Variants in RNF125 observed in about 807,000 individuals in gnomAD.
The protein encoded by RNF125 is ring finger protein 125.
Under a neutral mutation model 26.0 loss-of-function variants are expected in RNF125, and 21 were observed. The observed-to-expected ratio is 0.81, with a 90% CI of 0.57 to 1.16. The LOEUF is 1.16. Ranked by LOEUF, RNF125 falls within the 50% of genes most tolerant of loss-of-function variation. RNF125 has a pLI of 0.00. For missense variants in RNF125, 270 were observed against 299.4 expected (o/e 0.90, Z 0.72); for synonymous variants, 95 against 109.2 (o/e 0.87, Z 0.81).
chr18:32,075,332 T>C (rs1465925744), downstream of RNF125, among the ~76,000 whole-genome samples: 2 of 151,970 alleles, frequency 1.3e-5, no homozygotes, highest in African/African-American at 4.8e-5. Context: ...CTGAGGTGGG[T>C]GAATCATCTG....
At chr18:32,050,865 C>CCTTTT (rs1491509832) in intron 4 of RNF125, among the ~76,000 whole-genome samples, 4 of 46,344 alleles carry the variant, frequency 8.6e-5, no homozygotes, top group African/African-American at 2.3e-4. Context: ...GTCTAGAGTG[C>CCTTTT]TTTTTTTTTT....
At chr18:32,046,478 T>G (rs2039272851) in intron 4 of RNF125, among the ~76,000 whole-genome samples, 1 of 150,608 alleles carries the variant, frequency 6.6e-6, no homozygotes, top group African/African-American at 2.4e-5. Context: ...GCGCCTGTAG[T>G]CCCAGCTACT....
rs933734730 is a variant in RNF125 at position 32,037,668 on chromosome 18, C to T, written c.318+399C>T. On this transcript the variant is annotated intron_variant, in intron 2 of 5. Coordinates refer to ENST00000217740, the MANE Select transcript of RNF125 (RefSeq NM_017831.4). ...GAGATGTGAGGCCAGCTGGACTTCC[C>T]GGGTAGAGTGGGGACTTGGGAAACC... Among the ~76,000 whole-genome samples, 13 of 152,116 alleles carry T rather than the reference C, an allele frequency of 8.5e-5. No homozygotes were observed. In the South Asian group the frequency reaches 1.9e-3, roughly 22 times the overall value.
the RNF125 span, among the ~76,000 whole-genome samples, chr18:32,084,752 CAG>C: frequency 6.6e-6 from 1 of 152,104 alleles, no homozygotes; most frequent in Non-Finnish European, 1.5e-5. Context: ...ACATAGAGGC[CAG>C]ATTCCACAGG....
rs768294720 is a variant in RNF125 at position 32,018,921 on chromosome 18, C to A, written c.58C>A (p.Arg20=). The stretch of plus-strand genomic sequence containing the variant: ...ATCGGCGCCCGCCTCTGCCACCGCG[C>A]GGGCCCTGGAGCGCAGGAGGGACCC... ...GKSAPASATA[R]ALERRRDPEL... The change falls in exon 1 of 6, where the codon CGG becomes AGG. Residue 20 remains arginine (R), a synonymous_variant. Transcript: ENST00000217740. 5.6e-6 allele frequency: 9 copies of A among 1,610,280 alleles called. No individual in the cohort carries two copies. Among genetic ancestry groups the A allele is most frequent in the Non-Finnish European group, 7.6e-6 (9 of 1,178,450 alleles).
intron 4 of RNF125, among the ~76,000 whole-genome samples, chr18:32,048,781 G>C (rs538977488): frequency 2.6e-5 from 4 of 152,264 alleles, no homozygotes; most frequent in Non-Finnish European, 5.9e-5. Flanking sequence ...CGATGGTCAC[G>C]GGCTTTTCCT....
At chr18:32,049,495 CT>C (rs1304461626) in intron 4 of RNF125, among the ~76,000 whole-genome samples, 1 of 150,882 alleles carries the variant, frequency 6.6e-6, no homozygotes, top group Admixed American at 6.6e-5. Context: ...GTTCACTACA[CT>C]TTTTCAATTC....
chr18:32,047,290 G>A (rs2039281779), intron 4 of RNF125, among the ~76,000 whole-genome samples: 1 of 152,094 alleles, frequency 6.6e-6, no homozygotes, highest in Non-Finnish European at 1.5e-5. Context: ...CGCCCACGTC[G>A]GCCTCCCAAA....
rs924795089 is a variant in RNF125, at chr18:32,037,010, T to A, written c.165-106T>A. 1.0e-5 allele frequency: 10 copies of A among 991,030 alleles called. No individual in the cohort carries two copies. The Admixed American group carries it at 2.5e-4, about 25-fold the overall frequency. 61.4% of individuals were successfully genotyped at this position (991,030 alleles called of 1,614,324 possible). A position where few individuals can be genotyped will look rare whatever the true frequency, so the allele number is the denominator to read the frequency against. On this transcript the variant is annotated intron_variant, in intron 1 of 5. Transcript: ENST00000217740. The stretch of plus-strand genomic sequence containing the variant: ...ACCTGTAATTTGGTAGTATGGCTCA[T>A]GGGGTACGAGGTGTCATTAAATTAC...
intron 4 of RNF125, among the ~76,000 whole-genome samples, chr18:32,063,074 G>T (rs1174534792): frequency 1.3e-5 from 2 of 151,888 alleles, no homozygotes; most frequent in African/African-American, 4.8e-5. Context: ...ACAAAAATTA[G>T]CTGGGCATGG....
chr18:32,045,027 A>T (rs1179051477), intron 3 of RNF125, among the ~76,000 whole-genome samples: 4 of 151,730 alleles, frequency 2.6e-5, no homozygotes, highest in Admixed American at 6.6e-5. Flanking sequence ...CTGAGACAGG[A>T]GGATCATTTG....
intron 1 of RNF125, among the ~76,000 whole-genome samples, chr18:32,028,802 C>A (rs2039065303): frequency 6.6e-6 from 1 of 152,054 alleles, no homozygotes. Flanking sequence ...GATCTGCCCA[C>A]CTCAGCCTCC....
downstream of RNF125, among the ~76,000 whole-genome samples, chr18:32,077,939 C>T (rs2039581140): frequency 6.6e-6 from 1 of 152,034 alleles, no homozygotes; most frequent in South Asian, 2.1e-4. Flanking sequence ...TAGGCACACA[C>T]CACCACATCT....
At chr18:32,086,994 A>C in the RNF125 span, among the ~76,000 whole-genome samples, 179 of 152,148 alleles carry the variant, frequency 1.2e-3, no homozygotes, top group African/African-American at 4.1e-3. Flanking sequence ...GATGCCCCTC[A>C]TAATAATTCC....
At chr18:32,024,901 C>T (rs534774856) in intron 1 of RNF125, among the ~76,000 whole-genome samples, 29 of 152,176 alleles carry the variant, frequency 1.9e-4, no homozygotes, top group African/African-American at 5.8e-4. Context: ...GTCAACATGG[C>T]GAAACCTTGT....
At chr18:32,026,242 C>CTTTTTTTTTTTTTTTTTTTTTTTT (rs1181390375) in intron 1 of RNF125, among the ~76,000 whole-genome samples, 1 of 73,144 alleles carries the variant, frequency 1.4e-5, no homozygotes, top group African/African-American at 6.5e-5. Flanking sequence ...AGCACCCGGT[C>CTTTTTTTTTTTTTTTTTTTTTTTT]TTTTTTTTTT....
downstream of RNF125, chr18:32,075,762 G>T: frequency 2.1e-6 from 1 of 470,678 alleles, no homozygotes; most frequent in Non-Finnish European, 3.9e-6. Context: ...GCATCAATCT[G>T]ATTGTGCCAT....
intron 4 of RNF125, among the ~76,000 whole-genome samples, chr18:32,065,228 T>G (rs2039473065): frequency 6.6e-6 from 1 of 152,154 alleles, no homozygotes; most frequent in Non-Finnish European, 1.5e-5. Flanking sequence ...TTGTTGTTAT[T>G]GTTTGTTTTG....
intron 3 of RNF125, 85 bp downstream of exon 3, chr18:32,042,358 T>C (rs569488414): frequency 1.1e-5 from 9 of 811,572 alleles, no homozygotes; most frequent in South Asian, 3.3e-5. Flanking sequence ...AACATTCTTA[T>C]GAAAATATTT....
Sources: gnomAD v4.1 joint callset for allele counts (sites outside exome capture counted in the v4.1 genomes callset) on GRCh38, gnomAD v4.1.1 for gene constraint, MANE v1.5 for transcripts, NCBI Gene and HGNC (gene_info 2026-07-23, HGNC 2026-07-21) for gene names.